Variants in CTNNA2 observed in about 807,000 individuals in gnomAD.
CTNNA2 encodes catenin alpha 2.
In CTNNA2, 42 loss-of-function variants were observed where a neutral mutation model predicts 101.0. That is an observed-to-expected ratio of 0.42 (90% confidence interval 0.32 to 0.54). The LOEUF (loss-of-function observed/expected upper bound fraction) is 0.54, where lower values mean the gene tolerates loss of function less well. Ranked by LOEUF, CTNNA2 falls within the 20% of genes least tolerant of loss-of-function variation. CTNNA2 has a pLI of 0.14. For synonymous variants in CTNNA2, 450 were observed against 456.4 expected, an observed-to-expected ratio of 0.99 and a Z score of 0.18; for missense variants, 871 against 1,223.1, an observed-to-expected ratio of 0.71 and a Z score of 4.29.
At chr2:79,830,536 G>T (rs1678851701) in intron 3 of CTNNA2, among the ~76,000 whole-genome samples, 1 of 152,192 alleles carries the variant, frequency 6.6e-6, no homozygotes, top group Non-Finnish European at 1.5e-5. Flanking sequence ...ACTTCACAGT[G>T]TTGCCCAGGT....
At chr2:79,864,663 C>A (rs915058004) in intron 4 of CTNNA2, among the ~76,000 whole-genome samples, 3 of 152,148 alleles carry the variant, frequency 2.0e-5, no homozygotes, top group African/African-American at 7.2e-5. Flanking sequence ...TTTACAGATA[C>A]TCAGGATATA....
chr2:80,296,966 A>C (rs1015058678), intron 7 of CTNNA2, among the ~76,000 whole-genome samples: 13 of 152,218 alleles, frequency 8.5e-5, no homozygotes, highest in Non-Finnish European at 1.9e-4. Context: ...TAAATCCCTG[A>C]CAATAACATA....
chr2:79,706,037 A>G (rs1685334185), intron 2 of CTNNA2, among the ~76,000 whole-genome samples: 1 of 152,084 alleles, frequency 6.6e-6, no homozygotes, highest in African/African-American at 2.4e-5. Flanking sequence ...GAGGCATGGA[A>G]GAGCCGAAGG....
chr2:80,596,554 T>G (rs1236600719), intron 15 of CTNNA2, among the ~76,000 whole-genome samples: 1 of 151,798 alleles, frequency 6.6e-6, no homozygotes, highest in East Asian at 1.9e-4. Context: ...CCTCGTGATC[T>G]GCCCACCTTG....
At chr2:80,614,195 G>A (rs143612935) in intron 17 of CTNNA2, among the ~76,000 whole-genome samples, 1,602 of 151,544 alleles carry the variant, frequency 0.011, 13 homozygotes, top group Non-Finnish European at 0.016. Flanking sequence ...GTACCTGGAT[G>A]AGGGGAGGTG....
chr2:79,837,088 C>T (rs566080837), intron 3 of CTNNA2, among the ~76,000 whole-genome samples: 2 of 152,122 alleles, frequency 1.3e-5, no homozygotes, highest in Non-Finnish European at 2.9e-5. Context: ...CTGTGTGAGT[C>T]AGGGTTATCT....
At chr2:80,088,782 ACTTTAT>A (rs967653744) in intron 7 of CTNNA2, among the ~76,000 whole-genome samples, 3 of 152,088 alleles carry the variant, frequency 2.0e-5, no homozygotes, top group Non-Finnish European at 2.9e-5. Context: ...CACTTGGGAC[ACTTTAT>A]CTTTAGAAGA....
At chr2:80,297,692 T>G (rs1675868076) in intron 7 of CTNNA2, among the ~76,000 whole-genome samples, 2 of 152,010 alleles carry the variant, frequency 1.3e-5, no homozygotes, top group South Asian at 4.2e-4. Flanking sequence ...TGGAAAATAC[T>G]CTCAAAAAAT....
intron 7 of CTNNA2, among the ~76,000 whole-genome samples, chr2:80,009,308 C>T (rs546457784): frequency 6.6e-6 from 1 of 152,300 alleles, no homozygotes; most frequent in African/African-American, 2.4e-5. Context: ...TTCTGTTTTT[C>T]TCTCCCCCAA....
In CTNNA2 at chr2:80,303,574, G is replaced by C. The variant is rs751884495; in HGVS notation, c.1057-89637G>C. 6.2e-7 allele frequency: 1 copy of C among 1,614,230 alleles called. No homozygotes were observed. Among genetic ancestry groups the C allele is most frequent in the South Asian group, 1.1e-5 (1 of 91,090 alleles). On this transcript the variant is annotated intron_variant, in intron 7 of 18. Coordinates refer to ENST00000402739, the MANE Select transcript of CTNNA2 (RefSeq NM_001282597.3). The surrounding 1 kb of genome is among the most constrained non-coding windows in gnomAD (Gnocchi z 7.7). ...GCTGCATTAACCCCGTGAACTGGCC[G>C]GCGCGCAGCTCCGAGAGGCTGTTGT... is the stretch of plus-strand genomic sequence containing the variant.
chr2:80,635,601 A>G (rs1672787759), intron 18 of CTNNA2, among the ~76,000 whole-genome samples: 1 of 152,210 alleles, frequency 6.6e-6, no homozygotes, highest in Admixed American at 6.6e-5. Context: ...AAATTATATT[A>G]GAGGTAGAAG....
intron 7 of CTNNA2, among the ~76,000 whole-genome samples, chr2:80,150,142 G>A (rs946882856): frequency 4.6e-5 from 7 of 152,114 alleles, no homozygotes; most frequent in Admixed American, 3.9e-4. Context: ...CTGCATTACT[G>A]CTGCCACCAC....
At chr2:79,294,330 T>C (rs2104384542) in intron 2 of CTNNA2, among the ~76,000 whole-genome samples, 1 of 152,194 alleles carries the variant, frequency 6.6e-6, no homozygotes. Context: ...CTGGTATCTA[T>C]TCTTATGAAG....
chr2:80,194,607 C>T (rs561064494), intron 7 of CTNNA2, among the ~76,000 whole-genome samples: 1 of 150,646 alleles, frequency 6.6e-6, no homozygotes, highest in African/African-American at 2.4e-5. Context: ...AAAACCAGAC[C>T]CAGGCAAATA....
chr2:79,626,711 A>C (rs1679334673), intron 1 of CTNNA2, among the ~76,000 whole-genome samples: 2 of 151,602 alleles, frequency 1.3e-5, no homozygotes, highest in Non-Finnish European at 2.9e-5. Flanking sequence ...CTGGAAAGCT[A>C]AACAGGGCTG....
intron 7 of CTNNA2, among the ~76,000 whole-genome samples, chr2:80,072,934 A>G (rs1375248634): frequency 1.3e-5 from 2 of 152,192 alleles, no homozygotes; most frequent in Non-Finnish European, 2.9e-5. Context: ...TCAGAGTCAA[A>G]CCTTCTGTTA....
intron 3 of CTNNA2, among the ~76,000 whole-genome samples, chr2:79,802,812 CAG>C (rs1237953799): frequency 6.6e-6 from 1 of 152,164 alleles, no homozygotes; most frequent in African/African-American, 2.4e-5. Context: ...GTTCTGGGGA[CAG>C]AAAGTGGTTT....
At chr2:79,470,923 T>C (rs144351142) in intron 4 of CTNNA2, among the ~76,000 whole-genome samples, 1 of 152,336 alleles carries the variant, frequency 6.6e-6, no homozygotes, top group Non-Finnish European at 1.5e-5. Context: ...CTTCTTAATG[T>C]CTCTTCATGA....
chr2:79,641,871 G>T (rs898383961), intron 1 of CTNNA2, among the ~76,000 whole-genome samples: 1 of 152,096 alleles, frequency 6.6e-6, no homozygotes, highest in African/African-American at 2.4e-5. Flanking sequence ...TATAAAATTG[G>T]CACGGAGTAT....
Sources: gnomAD v4.1 joint callset for allele counts (sites outside exome capture counted in the v4.1 genomes callset) on GRCh38, gnomAD v4.1.1 for gene constraint, Gnocchi (gnomAD v3.1) non-coding constraint, MANE v1.5 for transcripts, NCBI Gene and HGNC (gene_info 2026-07-23, HGNC 2026-07-21) for gene names.